AEBP2: variants seen among roughly 807,000 people sequenced by gnomAD.
AEBP2 encodes AE binding protein 2, also known as zinc finger protein AEBP2.
AEBP2 carries 10 observed loss-of-function variants against 50.8 expected under a neutral mutation model. The ratio of observed to expected loss-of-function variants is 0.20; its 90% CI spans 0.12 to 0.33. The LOEUF is 0.33. Among genes scored for constraint, AEBP2 ranks in the 10% least tolerant of loss-of-function variants. AEBP2 has a pLI of 1.00. For missense variants in AEBP2, 570 were observed against 688.0 expected (o/e 0.83, Z 1.92); for synonymous variants, 296 against 261.3 (o/e 1.13, Z -1.28).
chr12:19,462,658 T>G lies in AEBP2; in HGVS notation c.820T>G (p.Ser274Ala). The G allele has an allele frequency of 1.2e-6, 2 of 1,614,020 alleles. No individual in the cohort carries two copies. ...GGACCAGTGCCAGGCTTGCTTCAAC[T>G]CTAGCCCAGATCTGGCAGATCACAT... ...CWDQCQACFN[S>A]SPDLADHIRS... is the part of the protein sequence containing the mutation. The change falls in exon 2 of 8, where the codon TCT (serine) becomes GCT (alanine). Residue 274 changes from serine to alanine, a missense_variant. Around this residue, in one of 2 missense-constraint regions of AEBP2, gnomAD observed 184 missense variants for 351.2 expected, o/e 0.52. Coordinates refer to ENST00000266508, the MANE Select transcript of AEBP2 (RefSeq NM_153207.5).
At chr12:19,450,695 C>T (rs1287580678) in intron 1 of AEBP2, among the ~76,000 whole-genome samples, 1 of 144,032 alleles carries the variant, frequency 6.9e-6, no homozygotes, top group African/African-American at 2.6e-5. Context: ...AAAAAAAAGA[C>T]AGATGTAGTG....
chr12:19,467,997 A>G (rs969177880), intron 2 of AEBP2, among the ~76,000 whole-genome samples: 1 of 151,958 alleles, frequency 6.6e-6, no homozygotes. Flanking sequence ...GCAGTGAGCT[A>G]TAATTGTGCC....
intron 1 of AEBP2, among the ~76,000 whole-genome samples, chr12:19,406,209 A>C (rs1370751471): frequency 6.6e-6 from 1 of 151,848 alleles, no homozygotes; most frequent in Non-Finnish European, 1.5e-5. Context: ...CAAGTGATCC[A>C]CTGCCTAGGG....
chr12:19,483,787 A>G (rs1413382749), intron 3 of AEBP2, among the ~76,000 whole-genome samples: 1 of 152,192 alleles, frequency 6.6e-6, no homozygotes, highest in Non-Finnish European at 1.5e-5. Flanking sequence ...TCTTATTGTT[A>G]CAAATAGTGC....
At chr12:19,497,340 T>TG (rs1442162657) in intron 4 of AEBP2, among the ~76,000 whole-genome samples, 1 of 144,020 alleles carries the variant, frequency 6.9e-6, no homozygotes, top group Non-Finnish European at 1.5e-5. Flanking sequence ...TTTTTTTTTT[T>TG]TTTTTTTTTT....
intron 3 of AEBP2, among the ~76,000 whole-genome samples, chr12:19,490,242 T>TA (rs1398628224): frequency 2.6e-5 from 4 of 152,132 alleles, no homozygotes; most frequent in East Asian, 1.9e-4. Context: ...TCTTAAGACT[T>TA]ACAACATTTC....
At chr12:19,468,126 T>TGTGTGTGTGTG (rs1948511309) in intron 2 of AEBP2, among the ~76,000 whole-genome samples, 6 of 143,958 alleles carry the variant, frequency 4.2e-5, no homozygotes, top group Non-Finnish European at 4.5e-5. Context: ...CTGCCTGACT[T>TGTGTGTGTGTG]TGTGTGTGTG....
At position 19,489,990 on chromosome 12, in the gene AEBP2, CTTTTTTT is replaced by C. The variant is rs71067029; in HGVS notation, c.988-3791_988-3785del. Among the ~76,000 whole-genome samples the C allele has an allele frequency of 9.5e-3, 455 of 47,712 alleles. 3 individuals are homozygous for C. The highest frequency in any genetic ancestry group is 0.034 in the African/African-American group (398 of 11,854). The allele number at this position is 47,712 out of a possible 152,430, so 31.3% of individuals were successfully genotyped here. ...CTGAATCATTGATAATTAAAATAAA[CTTTTTTT>C]TTTTTTTTTTTTTTTTTTGCATGGG... On this transcript the variant is annotated intron_variant, in intron 3 of 7. Coordinates refer to ENST00000266508, the MANE Select transcript of AEBP2 (RefSeq NM_153207.5).
upstream of AEBP2, among the ~76,000 whole-genome samples, chr12:19,438,908 T>A (rs1316625149): frequency 6.6e-6 from 1 of 152,226 alleles, no homozygotes; most frequent in Non-Finnish European, 1.5e-5. Context: ...GAAATATTTA[T>A]AAGCCGGAAA....
intron 1 of AEBP2, among the ~76,000 whole-genome samples, chr12:19,417,092 C>T (rs188770488): frequency 6.6e-6 from 1 of 151,268 alleles, no homozygotes; most frequent in Non-Finnish European, 1.5e-5. Context: ...AGGATGGTCT[C>T]GATCTCCTGA....
chr12:19,405,603 C>T (rs899868407), intron 1 of AEBP2, among the ~76,000 whole-genome samples: 25 of 152,194 alleles, frequency 1.6e-4, no homozygotes, highest in African/African-American at 4.3e-4. Context: ...GGATTACAGG[C>T]GTGATCCACT....
At position 19,439,666 on chromosome 12, in the gene AEBP2, G is replaced by GGGAGGAGGAGGAGGA. The variant is rs74261534; in HGVS notation, c.-26_-12dup. 6.9e-7 allele frequency: 1 copy of GGGAGGAGGAGGAGGA among 1,451,438 alleles called. No homozygotes were observed. Among genetic ancestry groups the GGGAGGAGGAGGAGGA allele is most frequent in the African/African-American group, 1.5e-5 (1 of 66,950 alleles). The allele number at this position is 1,451,438 out of a possible 1,614,324, so 89.9% of individuals were successfully genotyped here. ...GAGTCGAGAGAGGGAGGCGGCGGTG[G>GGGAGGAGGAGGAGGA]GGAGGAGGAGGAGGAGGAGGAGCAG... On this transcript the variant is annotated 5_prime_UTR_variant, in exon 1 of 8. Transcript: ENST00000266508.
intron 1 of AEBP2, among the ~76,000 whole-genome samples, chr12:19,448,321 C>T (rs1013025981): frequency 1.3e-5 from 2 of 152,070 alleles, no homozygotes; most frequent in African/African-American, 2.4e-5. Flanking sequence ...GACATGGTGG[C>T]TCACATCCGT....
At chr12:19,516,976 G>T (rs1038120620) in intron 7 of AEBP2, among the ~76,000 whole-genome samples, 1 of 152,114 alleles carries the variant, frequency 6.6e-6, no homozygotes. Flanking sequence ...GCAGTGAGCC[G>T]AGATCACGTC....
intron 1 of AEBP2, among the ~76,000 whole-genome samples, chr12:19,408,808 TAGG>T (rs1417231960): frequency 6.6e-6 from 1 of 150,848 alleles, no homozygotes; most frequent in African/African-American, 2.4e-5. Flanking sequence ...GAGGCTGAGG[TAGG>T]AGAATCGCTT....
At chr12:19,443,687 C>A (rs1370193575) in intron 1 of AEBP2, among the ~76,000 whole-genome samples, 1 of 152,052 alleles carries the variant, frequency 6.6e-6, no homozygotes, top group African/African-American at 2.4e-5. Flanking sequence ...TGCACCACTG[C>A]ACTCCAGCGT....
intron 7 of AEBP2, among the ~76,000 whole-genome samples, chr12:19,517,571 G>C (rs570940122): frequency 2.6e-5 from 4 of 152,330 alleles, no homozygotes; most frequent in African/African-American, 7.2e-5. Context: ...TGCAAATACT[G>C]CTGTTTCCTT....
At chr12:19,459,387 A>G (rs1487554376) in intron 1 of AEBP2, among the ~76,000 whole-genome samples, 1 of 151,942 alleles carries the variant, frequency 6.6e-6, no homozygotes, top group Non-Finnish European at 1.5e-5. Context: ...TCCTGCCACT[A>G]TGCCTGGCTA....
intron 1 of AEBP2, among the ~76,000 whole-genome samples, chr12:19,443,612 A>C (rs1285307306): frequency 3.3e-5 from 5 of 152,010 alleles, no homozygotes; most frequent in East Asian, 2.0e-4. Context: ...AATCCCAGCT[A>C]CTCAGGAGGC....
Sources: gnomAD v4.1 joint callset for allele counts (sites outside exome capture counted in the v4.1 genomes callset) on GRCh38, gnomAD v4.1.1 for gene constraint, gnomAD v4.1.1 regional missense constraint, MANE v1.5 for transcripts, NCBI Gene and HGNC (gene_info 2026-07-23, HGNC 2026-07-21) for gene names.